ANKRD50: variants seen among roughly 807,000 people sequenced by gnomAD.
ANKRD50 encodes the protein ankyrin repeat domain-containing protein 50.
Under a neutral mutation model 112.0 loss-of-function variants are expected in ANKRD50, and 40 were observed. That is an observed-to-expected ratio of 0.36 (90% CI 0.28 to 0.46). The LOEUF is 0.46. Ranked by LOEUF, ANKRD50 falls within the 20% of genes least tolerant of loss-of-function variation. The pLI is 1.00. For synonymous variants in ANKRD50, 613 were observed against 619.1 expected, an observed-to-expected ratio of 0.99 and a Z score of 0.15; for missense variants, 1,487 against 1,701.7, an observed-to-expected ratio of 0.87 and a Z score of 2.22.
intron 2 of ANKRD50, among the ~76,000 whole-genome samples, chr4:124,689,563 A>G (rs1452430310): frequency 1.3e-5 from 2 of 152,196 alleles, no homozygotes; most frequent in Non-Finnish European, 2.9e-5. Context: ...ACAAAAGGCT[A>G]ACCCTTCCAC....
intron 3 of ANKRD50, among the ~76,000 whole-genome samples, chr4:124,675,528 A>T (rs1444462835): frequency 2.6e-5 from 4 of 151,784 alleles, no homozygotes; most frequent in African/African-American, 9.7e-5. Context: ...AAAAGCAGAA[A>T]ATCAAATTGA....
intron 2 of ANKRD50, among the ~76,000 whole-genome samples, chr4:124,680,235 T>C (rs1001714742): frequency 6.6e-6 from 1 of 152,186 alleles, no homozygotes; most frequent in African/African-American, 2.4e-5. Flanking sequence ...AAATTGGTTT[T>C]ACTCATCAGT....
chr4:124,689,508 T>C (rs911901790), intron 2 of ANKRD50, among the ~76,000 whole-genome samples: 2 of 152,168 alleles, frequency 1.3e-5, no homozygotes, highest in Non-Finnish European at 2.9e-5. Context: ...AGATTGTCCT[T>C]CCTAATGTGG....
rs200692861 is a variant in ANKRD50 at position 124,699,257 on chromosome 4, A to T, written c.512+10743T>A. Among the ~76,000 whole-genome samples, 197 of 50,862 alleles carry T rather than the reference A, an allele frequency of 3.9e-3. 2 individuals are homozygous for T. The highest frequency in any genetic ancestry group is 0.011 in the African/African-American group (173 of 15,074). 33.4% of individuals were successfully genotyped at this position (50,862 alleles called of 152,430 possible). A position where few individuals can be genotyped will look rare whatever the true frequency, so the allele number is the denominator to read the frequency against. On this transcript the variant is annotated intron_variant, in intron 2 of 4. Coordinates refer to ENST00000504087, the MANE Select transcript of ANKRD50 (RefSeq NM_020337.3). ...ATTCAGATTTAGAAGCAGATATGAT[A>T]AAAAAAAAAAAAAATTGGGTAGGTA...
In ANKRD50 at chr4:124,671,263, TG is replaced by T; in HGVS notation, c.2013del (p.Asn671LysfsTer11). ...LNLLQHGAEVNKADNEGRTAL... is the reference protein window; with the variant it reads ...LNLLQHGAEVXKADNEGRTAL... The stretch of plus-strand genomic sequence containing the variant: ...GCAGTTCTACCTTCATTATCAGCTT[TG>T]TTCACTTCAGCGCCATGTTGTAGCA... On this transcript the variant is annotated frameshift_variant, in exon 4 of 5. Transcript: ENST00000504087. LOFTEE classifies it high-confidence loss of function. 6.2e-7 allele frequency: 1 copy of T among 1,613,780 alleles called. No individual in the cohort carries two copies. Among genetic ancestry groups the T allele is most frequent in the African/African-American group, 1.3e-5 (1 of 75,006 alleles).
Position 124,669,675 on chromosome 4 carries a change from G to A in ANKRD50, c.3602C>T (p.Ala1201Val), listed in dbSNP as rs1477305252. ...AAAGCTATCAATTGGCACTGTTTGA[G>A]CCGTTGCTGTAGATGAAGTAGTTCT... is the stretch of plus-strand genomic sequence containing the variant. ...SLRTTSSTAT[A>V]QTVPIDSFHN... The change falls in exon 4 of 5, where the codon GCT (alanine) becomes GTT (valine). Residue 1201 changes from alanine to valine, a missense_variant. By Grantham distance (64) the Ala-to-Val change is moderately conservative. Transcript: ENST00000504087. 6.2e-7 allele frequency: 1 copy of A among 1,612,986 alleles called. No homozygotes were observed. The highest frequency in any genetic ancestry group is 1.1e-5 in the South Asian group (1 of 90,690).
intron 3 of ANKRD50, among the ~76,000 whole-genome samples, chr4:124,678,018 G>A (rs1724770328): frequency 6.6e-6 from 1 of 152,036 alleles, no homozygotes; most frequent in Non-Finnish European, 1.5e-5. Context: ...TTAGTAGCAA[G>A]GGAATTGAAG....
chr4:124,681,410 G>C (rs1724883043), intron 2 of ANKRD50, among the ~76,000 whole-genome samples: 2 of 152,138 alleles, frequency 1.3e-5, no homozygotes, highest in Admixed American at 6.5e-5. Flanking sequence ...ACACAAGGGG[G>C]ACAATCCATC....
chr4:124,678,752 A>G lies in ANKRD50; in HGVS notation c.666T>C (p.His222=), dbSNP rs1435522387. The G allele has an allele frequency of 6.2e-7, 1 of 1,613,950 alleles. No homozygotes were observed. The highest frequency in any genetic ancestry group is 8.5e-7 in the Non-Finnish European group (1 of 1,179,826). The change falls in exon 3 of 5, where the codon CAT becomes CAC. Residue 222 remains histidine, a synonymous_variant. Coordinates refer to ENST00000504087, the MANE Select transcript of ANKRD50 (RefSeq NM_020337.3). ...GCAATAGCCATGGTGGAAAGAACTC[A>G]TGGTGACCAGCTAAAAGTGCTGCAA... is the stretch of plus-strand genomic sequence containing the variant. ...GTVAALLAGH[H]EFFPPWLLLL...
At chr4:124,680,116 G>A (rs190687572) in intron 2 of ANKRD50, among the ~76,000 whole-genome samples, 39 of 152,220 alleles carry the variant, frequency 2.6e-4, no homozygotes, top group Admixed American at 1.4e-3. Context: ...CTTCCATAAC[G>A]TCAAATACAG....
At chr4:124,674,782 C>T (rs76958667) in intron 3 of ANKRD50, among the ~76,000 whole-genome samples, 4,678 of 151,550 alleles carry the variant, frequency 0.031, 105 homozygotes, top group Middle Eastern at 0.072. Flanking sequence ...AATAAATCTC[C>T]CCCCAATCTA....
At chr4:124,677,631 ATAT>A (rs1724744143) in intron 3 of ANKRD50, among the ~76,000 whole-genome samples, 1 of 151,960 alleles carries the variant, frequency 6.6e-6, no homozygotes, top group Admixed American at 6.6e-5. Flanking sequence ...AAGAAAAGTA[ATAT>A]TATAATCCCC....
In ANKRD50 at chr4:124,670,773, T is replaced by C; in HGVS notation, c.2504A>G (p.Asp835Gly). The change falls in exon 4 of 5, where the codon GAT becomes GGT. Residue 835 changes from aspartate (D) to glycine (G), a missense_variant. Asp to Gly is a moderately conservative substitution (Grantham distance 94). This residue lies in a region of ANKRD50 where 1,046 missense variants were observed against 1,269.5 expected (regional missense o/e 0.82). Transcript: ENST00000504087. The part of the protein sequence containing the change: ...GNVEVVRTLL[D>G]RGLDENHRDD... ...TCTGTGATTTTCATCTAACCCTCTA[T>C]CCAGTAGAGTACGTACCACCTCAAC... 1 of 1,613,840 alleles carries C rather than the reference T, an allele frequency of 6.2e-7. No individual in the cohort carries two copies. The highest frequency in any genetic ancestry group is 8.5e-7 in the Non-Finnish European group (1 of 1,179,878).
At position 124,669,117 on chromosome 4, in the gene ANKRD50, T is replaced by C. The variant is rs1730566374; in HGVS notation, c.4160A>G (p.Asp1387Gly). The change falls in exon 4 of 5, where the codon GAT becomes GGT. Residue 1387 changes from aspartate to glycine, a missense_variant. Asp to Gly is a moderately conservative substitution (Grantham distance 94). Transcript: ENST00000504087. ...GRVSVPRTMQ[D>G]RGHQEVLEGY... ...CTCCAACACTTCCTGATGCCCTCTATCTTGCATTGTTCGTGGGACTGAAAC... is the reference window on the plus strand; with the variant it reads ...CTCCAACACTTCCTGATGCCCTCTACCTTGCATTGTTCGTGGGACTGAAAC... 6.2e-7 allele frequency: 1 copy of C among 1,613,744 alleles called. No homozygotes were observed. Among genetic ancestry groups the C allele is most frequent in the Non-Finnish European group, 8.5e-7 (1 of 1,179,764 alleles).
At chr4:124,711,693 T>A (rs978973059) in intron 1 of ANKRD50, among the ~76,000 whole-genome samples, 2 of 151,934 alleles carry the variant, frequency 1.3e-5, no homozygotes, top group African/African-American at 4.8e-5. Flanking sequence ...CAGCCACACT[T>A]CTTTGTTGAT....
chr4:124,679,530 A>C (rs1724825503), intron 2 of ANKRD50, among the ~76,000 whole-genome samples: 1 of 152,186 alleles, frequency 6.6e-6, no homozygotes, highest in Non-Finnish European at 1.5e-5. Flanking sequence ...TATGCGTGTA[A>C]CTTATATTGC....
chr4:124,684,099 TC>T (rs1480378067), intron 2 of ANKRD50, among the ~76,000 whole-genome samples: 2 of 152,190 alleles, frequency 1.3e-5, no homozygotes, highest in African/African-American at 4.8e-5. Context: ...TTAATTGTTT[TC>T]ATTTAAGGCA....
chr4:124,690,440 T>C (rs1725109835), intron 2 of ANKRD50, among the ~76,000 whole-genome samples: 1 of 152,206 alleles, frequency 6.6e-6, no homozygotes, highest in South Asian at 2.1e-4. Context: ...CTGAGAAAAG[T>C]CTTTTTTAAT....
chr4:124,683,398 A>G (rs1394614657), intron 2 of ANKRD50, among the ~76,000 whole-genome samples: 2 of 151,980 alleles, frequency 1.3e-5, no homozygotes, highest in African/African-American at 2.4e-5. Context: ...AAATCAGGGT[A>G]ATCGTGGTAC....
Sources: allele counts gnomAD v4.1 joint callset (sites outside exome capture counted in the v4.1 genomes callset), GRCh38; gene constraint gnomAD v4.1.1; regional missense constraint gnomAD v4.1.1; transcripts MANE v1.5; gene names NCBI Gene and HGNC (gene_info 2026-07-23, HGNC 2026-07-21).